RGS7: variants seen among roughly 807,000 people sequenced by gnomAD.
RGS7 encodes the protein regulator of G protein signaling 7.
In RGS7, 27 loss-of-function variants were observed where a neutral mutation model predicts 81.1. The observed-to-expected ratio is 0.33, with a 90% CI of 0.25 to 0.46. The LOEUF is 0.46. Ranked by LOEUF, RGS7 falls within the 20% of genes least tolerant of loss-of-function variation. The pLI is 1.00. For missense variants in RGS7, 396 were observed against 607.4 expected, an observed-to-expected ratio of 0.65 and a Z score of 3.66; for synonymous variants, 208 against 207.7, an observed-to-expected ratio of 1.00 and a Z score of -0.01.
chr1:241,242,308 A>ATCCTATCTATG (rs1285555191), intron 2 of RGS7, among the ~76,000 whole-genome samples: 1 of 112,682 alleles, frequency 8.9e-6, no homozygotes, highest in Non-Finnish European at 2.1e-5. Flanking sequence ...ATGGATGAGT[A>ATCCTATCTATG]GATAGATAGA....
At chr1:241,349,532 T>C (rs1267630308) in intron 2 of RGS7, among the ~76,000 whole-genome samples, 4 of 152,366 alleles carry the variant, frequency 2.6e-5, no homozygotes, top group Middle Eastern at 6.8e-3. Flanking sequence ...AGTGTTCCAA[T>C]GTCCTGAGAC....
In RGS7 at chr1:241,199,163, T is replaced by TA. The variant is rs1376326283; in HGVS notation, c.79-100402dup. On this transcript the variant is annotated intron_variant, in intron 2 of 18. Coordinates refer to ENST00000440928, the MANE Select transcript of RGS7 (RefSeq NM_001364886.1). Reference sequence around the variant, plus strand: ...ATAAAAGCCCTTAGCAAACAAAGAATAAAAAAAAAAGACTTTATTGGCCGG... The same window carrying TA: ...ATAAAAGCCCTTAGCAAACAAAGAATAAAAAAAAAAAGACTTTATTGGCCGG... Among the ~76,000 whole-genome samples, 30 of 147,344 alleles carry TA rather than the reference T, an allele frequency of 2.0e-4. No individual in the cohort carries two copies. In the East Asian group the frequency reaches 2.8e-3, roughly 14 times the overall value.
chr1:241,177,487 T>C (rs1163668093), intron 2 of RGS7, among the ~76,000 whole-genome samples: 1 of 152,182 alleles, frequency 6.6e-6, no homozygotes, highest in Non-Finnish European at 1.5e-5. Context: ...TTTATAAATT[T>C]GGGTTTTATT....
At chr1:241,197,935 CATT>C (rs1398524101) in intron 2 of RGS7, among the ~76,000 whole-genome samples, 1 of 70,132 alleles carries the variant, frequency 1.4e-5, no homozygotes, top group Non-Finnish European at 3.1e-5. Flanking sequence ...CAAAATTAAA[CATT>C]ATCTATCTAT....
chr1:240,903,988 T>C lies in RGS7; in HGVS notation c.385+26729A>G, dbSNP rs150189212. On this transcript the variant is annotated intron_variant, in intron 6 of 18. Coordinates refer to ENST00000440928, the MANE Select transcript of RGS7 (RefSeq NM_001364886.1). ...GAACTGTGAGCCAAATAAACCTCTT[T>C]TGTTTATAAATTACCCAGAGTCCGC... Among the ~76,000 whole-genome samples the C allele has an allele frequency of 4.5e-3, 680 of 152,274 alleles. 8 individuals carry two copies. The highest frequency in any genetic ancestry group is 0.015 in the African/African-American group (643 of 41,558).
At chr1:240,994,580 G>A (rs541949223) in intron 3 of RGS7, among the ~76,000 whole-genome samples, 1 of 152,114 alleles carries the variant, frequency 6.6e-6, no homozygotes, top group South Asian at 2.1e-4. Flanking sequence ...GATATTTTGG[G>A]ATTTAACAGG....
At chr1:241,230,702 AG>A (rs2075607977) in intron 2 of RGS7, among the ~76,000 whole-genome samples, 1 of 146,714 alleles carries the variant, frequency 6.8e-6, no homozygotes, top group South Asian at 2.1e-4. Flanking sequence ...GAGGACAGGA[AG>A]AAGGCTGGGA....
At chr1:240,986,033 G>T (rs1685616682) in intron 3 of RGS7, among the ~76,000 whole-genome samples, 1 of 151,868 alleles carries the variant, frequency 6.6e-6, no homozygotes, top group Non-Finnish European at 1.5e-5. Flanking sequence ...TAATGTATAT[G>T]TAGAAAATTG....
At chr1:241,141,119 C>G (rs2067891298) in intron 2 of RGS7, among the ~76,000 whole-genome samples, 1 of 152,198 alleles carries the variant, frequency 6.6e-6, no homozygotes, top group Non-Finnish European at 1.5e-5. Flanking sequence ...CCTGTCCATA[C>G]AGGCGTTTTT....
intron 3 of RGS7, among the ~76,000 whole-genome samples, chr1:240,996,018 GTT>G (rs527572328): frequency 6.7e-6 from 1 of 149,644 alleles, no homozygotes; most frequent in Admixed American, 6.7e-5. Flanking sequence ...TATTTTTATT[GTT>G]TTTTTTTTAT....
At chr1:241,216,096 C>T (rs2074537268) in intron 2 of RGS7, among the ~76,000 whole-genome samples, 1 of 152,062 alleles carries the variant, frequency 6.6e-6, no homozygotes, top group East Asian at 1.9e-4. Flanking sequence ...ATGGTGAAAC[C>T]CCATCTCTAT....
chr1:241,319,224 C>T (rs1252897251), intron 2 of RGS7, among the ~76,000 whole-genome samples: 1 of 152,146 alleles, frequency 6.6e-6, no homozygotes, highest in Non-Finnish European at 1.5e-5. Context: ...TAGCTTTCTA[C>T]TCCCTTTCTA....
In RGS7 at chr1:241,163,099, C is replaced by T. The variant is rs930883913; in HGVS notation, c.79-64337G>A. Among the ~76,000 whole-genome samples, 8 of 152,122 alleles carry T rather than the reference C, an allele frequency of 5.3e-5. No individual in the cohort carries two copies. Among genetic ancestry groups the T allele is most frequent in the South Asian group, 2.1e-4 (1 of 4,822 alleles). ...TGTCAGATTAAGCAGAGACAGGCTC[C>T]GTGGCCAGGAAGGCATAACCATTTG... On this transcript the variant is annotated intron_variant, in intron 2 of 18. Coordinates refer to ENST00000440928, the MANE Select transcript of RGS7 (RefSeq NM_001364886.1). This position sits in a 1 kb window ranked among gnomAD's most constrained non-coding sequence, Gnocchi z 4.6.
intron 3 of RGS7, among the ~76,000 whole-genome samples, chr1:241,020,940 A>C (rs1243710290): frequency 1.3e-5 from 2 of 152,180 alleles, no homozygotes; most frequent in Non-Finnish European, 2.9e-5. Context: ...AGAGGAAGCA[A>C]ATAATATGGT....
intron 2 of RGS7, among the ~76,000 whole-genome samples, chr1:241,177,120 G>A (rs2071211875): frequency 6.6e-6 from 1 of 152,166 alleles, no homozygotes; most frequent in Non-Finnish European, 1.5e-5. Flanking sequence ...TCTAGGGCAG[G>A]AGGAAAGACA....
rs111892347 is a variant in RGS7 at position 241,190,339 on chromosome 1, T to C, written c.79-91577A>G. 5.1e-4 allele frequency among the ~76,000 whole-genome samples: 78 copies of C among 152,272 alleles called. 1 individual carries two copies. The Middle Eastern group carries it at 0.017, about 33-fold the overall frequency. ...TTGAATTTTCATATGAATTTTAAAA[T>C]AATCTCAATATTTATAAAAATTTTG... On this transcript the variant is annotated intron_variant, in intron 2 of 18. Coordinates refer to ENST00000440928, the MANE Select transcript of RGS7 (RefSeq NM_001364886.1).
intron 2 of RGS7, among the ~76,000 whole-genome samples, chr1:241,137,721 T>C (rs528639310): frequency 6.6e-6 from 1 of 152,168 alleles, no homozygotes; most frequent in Non-Finnish European, 1.5e-5. Context: ...TAGCTTGAAA[T>C]TGGCAATGGC....
Position 240,794,210 on chromosome 1 carries a change from T to C in RGS7, c.*6+6431A>G, listed in dbSNP as rs185500723. On this transcript the variant is annotated intron_variant, in intron 18 of 18. Transcript: ENST00000440928. ...ATGCCTACAACTTCATTAATATATA[T>C]ATAATCTAGAAAAAGAACTTTCTGA... Among the ~76,000 whole-genome samples, 415 of 152,178 alleles carry C rather than the reference T, an allele frequency of 2.7e-3. 1 individual carries two copies. The highest frequency in any genetic ancestry group is 8.9e-3 in the African/African-American group (371 of 41,520).
intron 2 of RGS7, among the ~76,000 whole-genome samples, chr1:241,189,095 C>A (rs1265620121): frequency 1.3e-5 from 2 of 152,158 alleles, no homozygotes; most frequent in African/African-American, 2.4e-5. Flanking sequence ...CCACCTCAGC[C>A]TCCCAAGTAA....
Sources: gnomAD v4.1 joint callset for allele counts (sites outside exome capture counted in the v4.1 genomes callset) on GRCh38, gnomAD v4.1.1 for gene constraint, Gnocchi (gnomAD v3.1) non-coding constraint, MANE v1.5 for transcripts, NCBI Gene and HGNC (gene_info 2026-07-23, HGNC 2026-07-21) for gene names.